The following PRR16 variants were observed in gnomAD, a reference collection of about 807,000 sequenced individuals.
PRR16 encodes the protein protein Largen.
In PRR16, 6 loss-of-function variants were observed where a neutral mutation model predicts 18.2. The observed-to-expected ratio is 0.33, with a 90% CI of 0.18 to 0.65. PRR16 has a LOEUF of 0.65. PRR16 is among the 30% of genes least tolerant of loss of function. The pLI is 0.74. For synonymous variants in PRR16, 151 were observed against 147.8 expected, an observed-to-expected ratio of 1.02 and a Z score of -0.16; for missense variants, 412 against 376.6, an observed-to-expected ratio of 1.09 and a Z score of -0.78.
At chr5:120,618,708 A>G in intron 1 of PRR16, 1 of 264,928 alleles carries the variant, frequency 3.8e-6, no homozygotes, top group Non-Finnish European at 5.8e-6. Flanking sequence ...GCTAAGAGAG[A>G]CCAATGGATA....
the PRR16 span, among the ~76,000 whole-genome samples, chr5:120,751,174 G>A: frequency 3.3e-5 from 5 of 151,968 alleles, no homozygotes; most frequent in Admixed American, 6.6e-5. Flanking sequence ...CCACTTTTCC[G>A]TATTCATTCA....
At chr5:120,698,933 G>C in the PRR16 span, among the ~76,000 whole-genome samples, 2 of 152,194 alleles carry the variant, frequency 1.3e-5, no homozygotes, top group Non-Finnish European at 2.9e-5. Context: ...AGACTGTACA[G>C]AGGTGGGAAG....
At chr5:120,777,748 AAT>A in the PRR16 span, among the ~76,000 whole-genome samples, 1 of 152,116 alleles carries the variant, frequency 6.6e-6, no homozygotes, top group Non-Finnish European at 1.5e-5. Flanking sequence ...CTTTGAATCC[AAT>A]ATATACAGAA....
intron 1 of PRR16, among the ~76,000 whole-genome samples, chr5:120,499,112 CT>C (rs113501213): frequency 0.072 from 10,014 of 139,798 alleles, 743 homozygotes; most frequent in African/African-American, 0.2. Context: ...TTTTTAATCA[CT>C]TTTTTTTTTT....
At chr5:120,525,406 C>T (rs1751315430) in intron 1 of PRR16, among the ~76,000 whole-genome samples, 1 of 151,926 alleles carries the variant, frequency 6.6e-6, no homozygotes, top group South Asian at 2.1e-4. Flanking sequence ...TTTCTTCTTT[C>T]CCTTTTAAAT....
chr5:120,603,211 A>G (rs1374045957), intron 1 of PRR16, among the ~76,000 whole-genome samples: 1 of 151,982 alleles, frequency 6.6e-6, no homozygotes, highest in African/African-American at 2.4e-5. Context: ...CCTGGTTGGT[A>G]GGTTTTGTAT....
At chr5:120,670,395 T>A (rs946318311) in intron 1 of PRR16, among the ~76,000 whole-genome samples, 1 of 152,152 alleles carries the variant, frequency 6.6e-6, no homozygotes, top group Non-Finnish European at 1.5e-5. Context: ...TCAAAATCTC[T>A]TGGCAGATTT....
At chr5:120,571,909 C>G (rs1752918444) in intron 1 of PRR16, among the ~76,000 whole-genome samples, 1 of 152,082 alleles carries the variant, frequency 6.6e-6, no homozygotes, top group South Asian at 2.1e-4. Context: ...TGCCTGGTGT[C>G]TTGACAGGGA....
intron 1 of PRR16, among the ~76,000 whole-genome samples, chr5:120,515,947 A>C (rs1750975710): frequency 6.6e-6 from 1 of 152,218 alleles, no homozygotes; most frequent in Non-Finnish European, 1.5e-5. Flanking sequence ...CTCACCTAAA[A>C]TATCTATCAA....
chr5:120,473,975 G>A (rs1251558587), intron 1 of PRR16, among the ~76,000 whole-genome samples: 1 of 152,150 alleles, frequency 6.6e-6, no homozygotes, highest in Non-Finnish European at 1.5e-5. Flanking sequence ...CAAGCAGTAA[G>A]GAAATCTAGG....
chr5:120,492,873 C>T (rs976923960), intron 1 of PRR16, among the ~76,000 whole-genome samples: 1 of 152,174 alleles, frequency 6.6e-6, no homozygotes, highest in Admixed American at 6.5e-5. Flanking sequence ...ATCCAAGTTG[C>T]TACAAAAGAC....
chr5:120,618,762 TTTAATCAA>T (rs1456722865), intron 1 of PRR16, among the ~76,000 whole-genome samples: 4 of 152,028 alleles, frequency 2.6e-5, no homozygotes, highest in African/African-American at 7.2e-5. Flanking sequence ...TCCTTTTTTT[TTTAATCAA>T]TTATGTGAAT....
chr5:120,767,385 T>C, the PRR16 span, among the ~76,000 whole-genome samples: 2 of 151,842 alleles, frequency 1.3e-5, no homozygotes, highest in African/African-American at 4.8e-5. Flanking sequence ...AATTATACTC[T>C]CCAATAAAAT....
At chr5:120,494,144 C>T (rs1354416276) in intron 1 of PRR16, among the ~76,000 whole-genome samples, 1 of 152,094 alleles carries the variant, frequency 6.6e-6, no homozygotes, top group Admixed American at 6.6e-5. Flanking sequence ...TATTTTCAGT[C>T]CTACCGTCAA....
chr5:120,640,101 T>C (rs940895550), intron 1 of PRR16, among the ~76,000 whole-genome samples: 13 of 151,958 alleles, frequency 8.6e-5, no homozygotes, highest in African/African-American at 3.1e-4. Flanking sequence ...TTTACATGGA[T>C]ATAAAGGTGG....
chr5:120,567,318 T>G (rs554820000), intron 1 of PRR16, among the ~76,000 whole-genome samples: 1 of 152,164 alleles, frequency 6.6e-6, no homozygotes, highest in African/African-American at 2.4e-5. Flanking sequence ...CTACCTCTGA[T>G]AGGACTTCTT....
At chr5:120,719,855 A>G in the PRR16 span, among the ~76,000 whole-genome samples, 14 of 152,022 alleles carry the variant, frequency 9.2e-5, no homozygotes, top group African/African-American at 3.4e-4. Context: ...ATGTTAGGTG[A>G]GAATGACATG....
At chr5:120,648,269 A>G (rs1755661780) in intron 1 of PRR16, among the ~76,000 whole-genome samples, 3 of 152,136 alleles carry the variant, frequency 2.0e-5, no homozygotes, top group Admixed American at 2.0e-4. Flanking sequence ...AGTGTCTTTA[A>G]TAGTTTCATG....
chr5:120,681,881 C>G (rs1756983928), intron 1 of PRR16, among the ~76,000 whole-genome samples: 1 of 152,086 alleles, frequency 6.6e-6, no homozygotes, highest in Non-Finnish European at 1.5e-5. Context: ...TTTATCATTG[C>G]TTTTCAGTGT....
Sources: gnomAD v4.1 joint callset for allele counts (sites outside exome capture counted in the v4.1 genomes callset) on GRCh38, gnomAD v4.1.1 for gene constraint, MANE v1.5 for transcripts, NCBI Gene and HGNC (gene_info 2026-07-23, HGNC 2026-07-21) for gene names.